Variants in CRADD observed in about 807,000 individuals in gnomAD.
The protein encoded by CRADD is death domain-containing protein CRADD.
A neutral mutation model predicts 15.5 loss-of-function variants in CRADD; 9 were observed. The ratio of observed to expected loss-of-function variants is 0.58; its 90% CI spans 0.35 to 1.01. The LOEUF (loss-of-function observed/expected upper bound fraction) is 1.01. Among genes scored for constraint, CRADD ranks in the 50% least tolerant of loss-of-function variants. CRADD has a pLI of 0.02. For synonymous variants in CRADD, 118 were observed against 107.6 expected, an observed-to-expected ratio of 1.10 and a Z score of -0.60; for missense variants, 227 against 250.3, an observed-to-expected ratio of 0.91 and a Z score of 0.63.
In CRADD at chr12:93,862,955, G is replaced by T. The variant is rs543148543; in HGVS notation, c.299-31095G>T. Among the ~76,000 whole-genome samples the T allele has an allele frequency of 5.3e-5, 8 of 152,238 alleles. No individual in the cohort carries two copies. The South Asian group carries it at 1.7e-3, about 32-fold the overall frequency. On this transcript the variant is annotated intron_variant, in intron 2 of 2. Coordinates refer to the CRADD transcript ENST00000548483. ...TCTTGAGTGGTATGCAAAAAACATT[G>T]ATTTATTCTCCTCCTCCAACAATTC...
chr12:93,825,407 G>A (rs1441418173), intron 2 of CRADD, among the ~76,000 whole-genome samples: 1 of 152,214 alleles, frequency 6.6e-6, no homozygotes, highest in East Asian at 1.9e-4. Context: ...CCCCTTGGGA[G>A]AAGATGATGG....
intron 2 of CRADD, among the ~76,000 whole-genome samples, chr12:93,693,218 A>C (rs557131710): frequency 4.5e-4 from 69 of 152,278 alleles, no homozygotes; most frequent in African/African-American, 1.5e-3. Context: ...CAGTTAACGA[A>C]ATGGCAGAAG....
At chr12:93,737,627 T>C (rs1565895463) in intron 2 of CRADD, 2 of 152,154 alleles carry the variant, frequency 1.3e-5, no homozygotes, top group Non-Finnish European at 2.9e-5. Flanking sequence ...GATTGGGTGG[T>C]TTCTTTTGGA....
At chr12:93,869,282 C>T (rs1958398109) in intron 2 of CRADD, among the ~76,000 whole-genome samples, 1 of 152,112 alleles carries the variant, frequency 6.6e-6, no homozygotes, top group Non-Finnish European at 1.5e-5. Flanking sequence ...AGAAATTTAC[C>T]TGCCTACTAG....
At chr12:93,816,044 C>T (rs945935352) in intron 2 of CRADD, 2 of 151,868 alleles carry the variant, frequency 1.3e-5, no homozygotes, top group Non-Finnish European at 2.9e-5. Flanking sequence ...CCAATTGGAG[C>T]CACATATGTG....
chr12:93,712,385 CT>C (rs1259495695), intron 2 of CRADD, among the ~76,000 whole-genome samples: 1 of 152,168 alleles, frequency 6.6e-6, no homozygotes, highest in Non-Finnish European at 1.5e-5. Flanking sequence ...ATTTACATAT[CT>C]TTTTTACAGC....
chr12:93,845,345 T>G (rs763789110), intron 2 of CRADD, among the ~76,000 whole-genome samples: 6 of 152,212 alleles, frequency 3.9e-5, no homozygotes, highest in Non-Finnish European at 7.3e-5. Flanking sequence ...TGGACAGAGA[T>G]GTTCACGTTA....
downstream of CRADD, among the ~76,000 whole-genome samples, chr12:93,852,019 C>T (rs1391007717): frequency 6.6e-6 from 1 of 152,150 alleles, no homozygotes; most frequent in Admixed American, 6.5e-5. Context: ...GTCTACTGGC[C>T]TTATCAGTTC....
chr12:93,729,760 G>A (rs1490378520), intron 2 of CRADD, among the ~76,000 whole-genome samples: 2 of 150,558 alleles, frequency 1.3e-5, no homozygotes, highest in African/African-American at 4.9e-5. Flanking sequence ...ACTTCAGCCT[G>A]GGCAACAAGA....
intron 2 of CRADD, among the ~76,000 whole-genome samples, chr12:93,884,360 A>C (rs1958521734): frequency 6.6e-6 from 1 of 152,174 alleles, no homozygotes; most frequent in African/African-American, 2.4e-5. Context: ...GAGGAAAGAT[A>C]ACAAAATTGA....
At chr12:93,741,352 G>C (rs1956663482) in intron 2 of CRADD, among the ~76,000 whole-genome samples, 1 of 152,148 alleles carries the variant, frequency 6.6e-6, no homozygotes, top group Non-Finnish European at 1.5e-5. Context: ...ATCCTTTTAA[G>C]AATGTAGGTT....
chr12:93,739,093 T>G (rs1038490902), intron 2 of CRADD, among the ~76,000 whole-genome samples: 2 of 152,184 alleles, frequency 1.3e-5, no homozygotes, highest in South Asian at 2.1e-4. Context: ...GGTATCTGAC[T>G]ATGTAGAGAC....
At chr12:93,767,723 C>G (rs1957040804) in intron 2 of CRADD, among the ~76,000 whole-genome samples, 1 of 152,202 alleles carries the variant, frequency 6.6e-6, no homozygotes, top group Non-Finnish European at 1.5e-5. Flanking sequence ...TTCACACCCT[C>G]TTAGAGGAAG....
intron 2 of CRADD, among the ~76,000 whole-genome samples, chr12:93,746,335 A>G (rs1956750165): frequency 6.6e-6 from 1 of 152,214 alleles, no homozygotes; most frequent in South Asian, 2.1e-4. Context: ...GTATGACAGA[A>G]TGGAAGCAGT....
chr12:93,683,825 C>T (rs559850382), intron 2 of CRADD, among the ~76,000 whole-genome samples: 3 of 152,228 alleles, frequency 2.0e-5, no homozygotes, highest in Non-Finnish European at 4.4e-5. Flanking sequence ...GCTTGGGATT[C>T]TTTTCATAGG....
At chr12:93,706,371 A>G (rs913648867) in intron 2 of CRADD, among the ~76,000 whole-genome samples, 1 of 152,264 alleles carries the variant, frequency 6.6e-6, no homozygotes, top group Non-Finnish European at 1.5e-5. Context: ...ATGATTAGAC[A>G]TAGTTCAAGA....
chr12:93,734,185 ATCCATCCG>A (rs1369506098), intron 2 of CRADD, among the ~76,000 whole-genome samples: 2 of 151,952 alleles, frequency 1.3e-5, no homozygotes, highest in Non-Finnish European at 2.9e-5. Context: ...CCATCCATCC[ATCCATCCG>A]TCCATCCATC....
chr12:93,850,088 A>G lies in CRADD; in HGVS notation c.417A>G (p.Gly139=). The change falls in exon 3 of 3, where the codon GGA becomes GGG. Residue 139 remains glycine (G), a synonymous_variant. Transcript: ENST00000332896. This position sits in a 1 kb window ranked among gnomAD's most constrained non-coding sequence, Gnocchi z 4.0. ...GGGAGCCCATGGTGCTGTCTCTGGG[A>G]CTGTCCCAGACGGATATCTACCGCT... The part of the protein sequence containing the change: ...PEWEPMVLSL[G]LSQTDIYRCK... 1 of 1,613,828 alleles carries G rather than the reference A, an allele frequency of 6.2e-7. No homozygotes were observed.
intron 2 of CRADD, among the ~76,000 whole-genome samples, chr12:93,871,727 C>T (rs1240465879): frequency 6.6e-6 from 1 of 152,160 alleles, no homozygotes. Context: ...ATCCATGTTG[C>T]AAATGATTGG....
Sources: allele counts gnomAD v4.1 joint callset (sites outside exome capture counted in the v4.1 genomes callset), GRCh38; gene constraint gnomAD v4.1.1; non-coding constraint Gnocchi (gnomAD v3.1); transcripts MANE v1.5; gene names NCBI Gene and HGNC (gene_info 2026-07-23, HGNC 2026-07-21).